The following CAMK2D variants were observed in gnomAD, a reference collection of about 807,000 sequenced individuals.
CAMK2D encodes the protein calcium/calmodulin-dependent protein kinase type II subunit delta.
Under a neutral mutation model 84.0 loss-of-function variants are expected in CAMK2D, and 37 were observed. That is an observed-to-expected ratio of 0.44 (90% confidence interval 0.34 to 0.58). The LOEUF is 0.58. Ranked by LOEUF, CAMK2D falls within the 20% of genes least tolerant of loss-of-function variation. The probability of loss-of-function intolerance (pLI) is 0.02; values close to 1 mark genes in which losing one functional copy is unlikely to be tolerated. For missense variants in CAMK2D, 448 were observed against 652.5 expected (o/e 0.69, Z 3.41); for synonymous variants, 202 against 212.5 (o/e 0.95, Z 0.43).
At chr4:113,539,303 A>G (rs2098513922) in intron 6 of CAMK2D, among the ~76,000 whole-genome samples, 1 of 152,214 alleles carries the variant, frequency 6.6e-6, no homozygotes, top group South Asian at 2.1e-4. Flanking sequence ...GGCATGTCAG[A>G]GATTTCTGTT....
At chr4:113,550,769 T>C (rs2098621644) in intron 5 of CAMK2D, among the ~76,000 whole-genome samples, 1 of 152,128 alleles carries the variant, frequency 6.6e-6, no homozygotes, top group Admixed American at 6.6e-5. Flanking sequence ...ATGTGGGGAT[T>C]TGGGGTAAAC....
intron 4 of CAMK2D, among the ~76,000 whole-genome samples, chr4:113,588,710 C>T (rs1054959261): frequency 6.6e-6 from 1 of 152,160 alleles, no homozygotes; most frequent in African/African-American, 2.4e-5. Flanking sequence ...GAAGTTTTCT[C>T]ATGTGCTCTT....
At chr4:113,760,922 G>A in intron 1 of CAMK2D, 82 bp downstream of exon 1, 4 of 1,569,930 alleles carry the variant, frequency 2.5e-6, no homozygotes, top group Non-Finnish European at 3.5e-6. Context: ...CTCGCCCCAA[G>A]ACGGAGGCCG....
At chr4:113,486,229 C>T (rs1192828601) in intron 16 of CAMK2D, among the ~76,000 whole-genome samples, 1 of 151,924 alleles carries the variant, frequency 6.6e-6, no homozygotes, top group Non-Finnish European at 1.5e-5. Flanking sequence ...CTCCTGGCCT[C>T]CTCTTGCCTC....
At chr4:113,562,818 G>A (rs115336315) in intron 4 of CAMK2D, among the ~76,000 whole-genome samples, 2,115 of 152,318 alleles carry the variant, frequency 0.014, 50 homozygotes, top group East Asian at 0.11. Flanking sequence ...GTTTTTTAAA[G>A]AAGATTATTA....
At chr4:113,726,550 TTTTGTTTGTTTG>T (rs543292271) in intron 2 of CAMK2D, among the ~76,000 whole-genome samples, 1 of 150,816 alleles carries the variant, frequency 6.6e-6, no homozygotes, top group Non-Finnish European at 1.5e-5. Flanking sequence ...CCTGGCTAAT[TTTTGTTTGTTTG>T]TTTGTTTGTT....
chr4:113,676,074 T>A (rs796262020), intron 2 of CAMK2D, among the ~76,000 whole-genome samples: 1 of 152,290 alleles, frequency 6.6e-6, no homozygotes, highest in African/African-American at 2.4e-5. Flanking sequence ...TCTTATGAAA[T>A]GTTTACTGGG....
intron 4 of CAMK2D, among the ~76,000 whole-genome samples, chr4:113,593,481 T>C (rs1228590310): frequency 6.6e-6 from 1 of 152,186 alleles, no homozygotes. Context: ...TGGACAAGTC[T>C]GAAAGATAAA....
At chr4:113,467,783 A>C (rs1171392440) in intron 16 of CAMK2D, among the ~76,000 whole-genome samples, 2 of 152,190 alleles carry the variant, frequency 1.3e-5, no homozygotes, top group Non-Finnish European at 2.9e-5. Context: ...TAGGTGATTC[A>C]TCTGTCTGTG....
chr4:113,718,798 C>A (rs894255433), intron 2 of CAMK2D, among the ~76,000 whole-genome samples: 2 of 152,154 alleles, frequency 1.3e-5, no homozygotes, highest in African/African-American at 4.8e-5. Context: ...ATCTTTTTCA[C>A]TGTAATAATT....
intron 16 of CAMK2D, among the ~76,000 whole-genome samples, chr4:113,475,371 C>G (rs2097595444): frequency 6.6e-6 from 1 of 152,062 alleles, no homozygotes; most frequent in African/African-American, 2.4e-5. Flanking sequence ...TCCATAGTAT[C>G]AACTGAACTG....
intron 2 of CAMK2D, among the ~76,000 whole-genome samples, chr4:113,748,537 T>C (rs900062416): frequency 2.6e-5 from 4 of 152,162 alleles, no homozygotes; most frequent in Non-Finnish European, 5.9e-5. Flanking sequence ...CCAGTCATCA[T>C]AGCAAAAAGC....
At chr4:113,598,913 T>C (rs909727836) in intron 4 of CAMK2D, among the ~76,000 whole-genome samples, 2 of 152,172 alleles carry the variant, frequency 1.3e-5, no homozygotes, top group African/African-American at 4.8e-5. Flanking sequence ...GTGATCTGCC[T>C]GCCTCAGCCT....
At position 113,670,304 on chromosome 4, in the gene CAMK2D, CAAAT is replaced by C. The variant is rs142000498; in HGVS notation, c.161-8536_161-8533del. Among the ~76,000 whole-genome samples the C allele has an allele frequency of 1.7e-3, 258 of 151,416 alleles. 1 individual carries two copies. The highest frequency in any genetic ancestry group is 6.5e-3 in the South Asian group (31 of 4,804). ...CTCAAAAAATAAATAAATAAACAAA[CAAAT>C]AAATAAATAAATAAAAAACTATGAT... On this transcript the variant is annotated intron_variant, in intron 2 of 20. Coordinates refer to ENST00000511664, the MANE Select transcript of CAMK2D (RefSeq NM_001321571.2).
At chr4:113,564,003 T>G (rs1044071813) in intron 4 of CAMK2D, among the ~76,000 whole-genome samples, 1 of 152,214 alleles carries the variant, frequency 6.6e-6, no homozygotes, top group Non-Finnish European at 1.5e-5. Context: ...ATCTATGAAA[T>G]AGAGACTCTT....
intron 2 of CAMK2D, among the ~76,000 whole-genome samples, chr4:113,710,533 T>C (rs2099489021): frequency 6.6e-6 from 1 of 152,198 alleles, no homozygotes; most frequent in African/African-American, 2.4e-5. Context: ...ATTCCTTTCC[T>C]TTTATTCAAG....
At chr4:113,630,700 C>A (rs1299058522) in intron 3 of CAMK2D, among the ~76,000 whole-genome samples, 2 of 152,186 alleles carry the variant, frequency 1.3e-5, no homozygotes, top group African/African-American at 4.8e-5. Context: ...TCGACCACCA[C>A]ATTCACTGAG....
At chr4:113,672,239 T>C (rs1233603766) in intron 2 of CAMK2D, among the ~76,000 whole-genome samples, 1 of 152,158 alleles carries the variant, frequency 6.6e-6, no homozygotes, top group Non-Finnish European at 1.5e-5. Flanking sequence ...TGACCCGCCA[T>C]AGTAAAATGA....
At chr4:113,723,607 T>C (rs2099537578) in intron 2 of CAMK2D, among the ~76,000 whole-genome samples, 1 of 152,232 alleles carries the variant, frequency 6.6e-6, no homozygotes, top group Non-Finnish European at 1.5e-5. Context: ...TTATCTGAAT[T>C]GGGCTAACTG....
Sources: allele counts gnomAD v4.1 joint callset (sites outside exome capture counted in the v4.1 genomes callset), GRCh38; gene constraint gnomAD v4.1.1; transcripts MANE v1.5; gene names NCBI Gene and HGNC (gene_info 2026-07-23, HGNC 2026-07-21).